PTPRD: variants seen among roughly 807,000 people sequenced by gnomAD.
PTPRD encodes the protein receptor-type tyrosine-protein phosphatase delta.
In PTPRD, 34 loss-of-function variants were observed where a neutral mutation model predicts 214.5. That is an observed-to-expected ratio of 0.16 (90% CI 0.12 to 0.21). PTPRD has a LOEUF of 0.21. PTPRD is among the 10% of genes least tolerant of loss of function. The pLI is 1.00. For missense variants in PTPRD, 2,545 were observed against 2,398.7 expected (o/e 1.06, Z -1.27); for synonymous variants, 1,128 against 845.7 (o/e 1.33, Z -5.79).
At chr9:8,661,213 G>A (rs1455838273) in intron 12 of PTPRD, among the ~76,000 whole-genome samples, 1 of 152,056 alleles carries the variant, frequency 6.6e-6, no homozygotes, top group African/African-American at 2.4e-5. Flanking sequence ...ACACTAAAAA[G>A]AATCAAACCT....
At chr9:9,546,165 A>C (rs2078761236) in intron 8 of PTPRD, among the ~76,000 whole-genome samples, 1 of 150,634 alleles carries the variant, frequency 6.6e-6, no homozygotes, top group South Asian at 2.1e-4. Flanking sequence ...TTTTGTTTTG[A>C]GTTTTGTGCA....
chr9:9,956,201 T>G (rs1243419777), intron 4 of PTPRD, among the ~76,000 whole-genome samples: 1 of 152,080 alleles, frequency 6.6e-6, no homozygotes, highest in Non-Finnish European at 1.5e-5. Flanking sequence ...TTATGTTACT[T>G]TTTGTTCTTT....
chr9:10,390,114 T>C (rs2098026083), intron 2 of PTPRD, among the ~76,000 whole-genome samples: 1 of 151,864 alleles, frequency 6.6e-6, no homozygotes, highest in Non-Finnish European at 1.5e-5. Context: ...TTGTGTACTG[T>C]AAGGACACAT....
intron 2 of PTPRD, among the ~76,000 whole-genome samples, chr9:10,355,677 C>T (rs971336112): frequency 2.0e-5 from 3 of 152,032 alleles, no homozygotes; most frequent in Admixed American, 2.0e-4. Flanking sequence ...GGGGTTTCAC[C>T]ATGTTGGTCA....
intron 7 of PTPRD, among the ~76,000 whole-genome samples, chr9:9,577,985 G>C (rs924270255): frequency 1.4e-5 from 2 of 137,996 alleles, no homozygotes; most frequent in African/African-American, 5.3e-5. Flanking sequence ...GGCAGAGGTT[G>C]CAGTGAGCCG....
intron 36 of PTPRD, among the ~76,000 whole-genome samples, chr9:8,393,713 G>C (rs1044154968): frequency 1.3e-5 from 2 of 151,992 alleles, no homozygotes; most frequent in Non-Finnish European, 2.9e-5. Flanking sequence ...ATTAATAACA[G>C]TGATGTCAAT....
rs563072120 is a variant in PTPRD, at chr9:8,917,388, C to T, written c.-104+101309G>A. Among the ~76,000 whole-genome samples the T allele has an allele frequency of 9.9e-5, 15 of 151,620 alleles. No homozygotes were observed. The South Asian group carries it at 1.5e-3, about 15-fold the overall frequency. ...CCTGACCTCTGGTGATCCACCACCT[C>T]GGCCTCCCAAAGTGCTGGGATTACA... On this transcript the variant is annotated intron_variant, in intron 11 of 45. Transcript: ENST00000381196.
intron 14 of PTPRD, among the ~76,000 whole-genome samples, chr9:8,535,022 C>A (rs1013025071): frequency 6.6e-6 from 1 of 151,844 alleles, no homozygotes; most frequent in Non-Finnish European, 1.5e-5. Context: ...TCTAGATAAT[C>A]TCTATATTGT....
chr9:8,552,108 T>A, intron 14 of PTPRD, among the ~76,000 whole-genome samples: 1 of 152,124 alleles, frequency 6.6e-6, no homozygotes, highest in East Asian at 1.9e-4. Context: ...CCTTGCTTTT[T>A]TCAGGCGATG....
At chr9:8,526,716 C>T (rs2074255222) in intron 16 of PTPRD, 72 bp from the exon 17 acceptor site, 3 of 1,244,930 alleles carry the variant, frequency 2.4e-6, no homozygotes, top group Non-Finnish European at 3.4e-6. Context: ...GAGGCTAGGG[C>T]TGGGGAGAAG....
At chr9:10,288,905 C>A (rs2095444327) in intron 3 of PTPRD, among the ~76,000 whole-genome samples, 1 of 152,002 alleles carries the variant, frequency 6.6e-6, no homozygotes, top group Non-Finnish European at 1.5e-5. Context: ...ACCTTGCTAT[C>A]ATCTGTACTT....
intron 11 of PTPRD, among the ~76,000 whole-genome samples, chr9:8,937,128 G>A (rs888676190): frequency 3.9e-5 from 6 of 152,036 alleles, no homozygotes; most frequent in Admixed American, 2.0e-4. Context: ...TGAGAAAAAT[G>A]TTGATTAGCT....
At chr9:9,575,174 C>T (rs1312754567) in intron 7 of PTPRD, among the ~76,000 whole-genome samples, 1 of 152,102 alleles carries the variant, frequency 6.6e-6, no homozygotes, top group Non-Finnish European at 1.5e-5. Context: ...CATGTACACA[C>T]ACAGCTGTGG....
intron 9 of PTPRD, among the ~76,000 whole-genome samples, chr9:9,365,171 T>A (rs931176988): frequency 6.6e-6 from 1 of 151,500 alleles, no homozygotes; most frequent in African/African-American, 2.4e-5. Flanking sequence ...AAATATTGGA[T>A]CACAGCTTTT....
At chr9:10,384,677 C>A (rs186345970) in intron 2 of PTPRD, among the ~76,000 whole-genome samples, 83 of 150,696 alleles carry the variant, frequency 5.5e-4, no homozygotes, top group African/African-American at 1.8e-3. Flanking sequence ...GAAATAAGAA[C>A]GTTTGTCAAA....
intron 14 of PTPRD, among the ~76,000 whole-genome samples, chr9:8,566,752 C>G (rs1483594289): frequency 6.6e-6 from 1 of 152,180 alleles, no homozygotes; most frequent in East Asian, 1.9e-4. Flanking sequence ...TACCCAGAAA[C>G]TATACATTTT....
At chr9:10,355,344 G>A (rs2097257109) in intron 2 of PTPRD, among the ~76,000 whole-genome samples, 1 of 151,590 alleles carries the variant, frequency 6.6e-6, no homozygotes. Flanking sequence ...GACTTCCCAG[G>A]TTCAATACTT....
intron 9 of PTPRD, among the ~76,000 whole-genome samples, chr9:9,285,829 C>T (rs1354219292): frequency 6.6e-6 from 1 of 151,788 alleles, no homozygotes; most frequent in Non-Finnish European, 1.5e-5. Flanking sequence ...GCCTCAACTA[C>T]TCTTTGTATG....
intron 11 of PTPRD, among the ~76,000 whole-genome samples, chr9:8,762,580 T>G (rs1320563383): frequency 1.3e-5 from 2 of 152,168 alleles, no homozygotes; most frequent in African/African-American, 4.8e-5. Context: ...TAACCTATCA[T>G]GTCACCAGAT....
Sources: allele counts gnomAD v4.1 joint callset (sites outside exome capture counted in the v4.1 genomes callset), GRCh38; gene constraint gnomAD v4.1.1; transcripts MANE v1.5; gene names NCBI Gene and HGNC (gene_info 2026-07-23, HGNC 2026-07-21).